WDR37: variants seen among roughly 807,000 people sequenced by gnomAD.
WDR37 encodes WD repeat-containing protein 37.
In WDR37, 19 loss-of-function variants were observed where a neutral mutation model predicts 62.9. The ratio of observed to expected loss-of-function variants is 0.30; its 90% CI spans 0.21 to 0.44. The LOEUF is 0.44. Ranked by LOEUF, WDR37 falls within the 20% of genes least tolerant of loss-of-function variation. The probability of loss-of-function intolerance (pLI) is 1.00; values close to 1 mark genes in which losing one functional copy is unlikely to be tolerated. For synonymous variants in WDR37, 250 were observed against 260.9 expected (o/e 0.96, Z 0.40); for missense variants, 474 against 657.6 (o/e 0.72, Z 3.05).
At chr10:1,122,788 G>A (rs1225917216) in intron 11 of WDR37, among the ~76,000 whole-genome samples, 1 of 152,192 alleles carries the variant, frequency 6.6e-6, no homozygotes, top group African/African-American at 2.4e-5. Flanking sequence ...AATCACCCCA[G>A]CCACTGCCAG....
Position 1,131,124 on chromosome 10 carries a change from T to G in WDR37, c.*1780T>G, listed in dbSNP as rs1025573052. On this transcript the variant is annotated 3_prime_UTR_variant, in exon 14 of 14. Transcript: ENST00000263150. ...GAATCTCAGGTTTCAGCTCCTGCTG[T>G]CCTGAGCGAACTTGCCTGATGCAGG... 2.6e-5 allele frequency: 4 copies of G among 152,280 alleles called. No homozygotes were observed. Among genetic ancestry groups the G allele is most frequent in the African/African-American group, 9.6e-5 (4 of 41,458 alleles). 9.4% of individuals were successfully genotyped at this position (152,280 alleles called of 1,614,324 possible).
At chr10:1,129,171 C>G in intron 13 of WDR37, 42 bp from the exon 14 acceptor site, 4 of 1,601,442 alleles carry the variant, frequency 2.5e-6, no homozygotes, top group Non-Finnish European at 3.4e-6. Context: ...ATCTTACTTT[C>G]GGGAATAATG....
intron 11 of WDR37, among the ~76,000 whole-genome samples, chr10:1,107,513 C>T (rs1201835436): frequency 5.9e-5 from 9 of 152,246 alleles, no homozygotes; most frequent in Admixed American, 2.0e-4. Flanking sequence ...CACCTAGGTT[C>T]GCCTGTTGTA....
chr10:1,090,124 G>A (rs1834339118), intron 7 of WDR37, among the ~76,000 whole-genome samples: 2 of 152,066 alleles, frequency 1.3e-5, no homozygotes. Context: ...CCGCCACCAC[G>A]CCTGGCTAAA....
chr10:1,127,830 C>G (rs1315433280), intron 13 of WDR37, among the ~76,000 whole-genome samples: 1 of 152,212 alleles, frequency 6.6e-6, no homozygotes, highest in Non-Finnish European at 1.5e-5. Context: ...GGGGCGTCTT[C>G]CGGGTGCATC....
At chr10:1,107,007 G>C (rs1052011140) in intron 11 of WDR37, among the ~76,000 whole-genome samples, 1 of 152,154 alleles carries the variant, frequency 6.6e-6, no homozygotes, top group Non-Finnish European at 1.5e-5. Context: ...TGCCAGCTCC[G>C]TCAGCGATAG....
chr10:1,064,001 G>A (rs1390572372), intron 1 of WDR37, among the ~76,000 whole-genome samples: 3 of 152,204 alleles, frequency 2.0e-5, no homozygotes, highest in Admixed American at 6.5e-5. Flanking sequence ...AGATGACACA[G>A]AGTTTAGAAT....
intron 11 of WDR37, among the ~76,000 whole-genome samples, chr10:1,115,201 C>G (rs1178163926): frequency 1.3e-5 from 2 of 152,198 alleles, no homozygotes; most frequent in Non-Finnish European, 2.9e-5. Flanking sequence ...AGGAGATCAT[C>G]TCAACATGGA....
chr10:1,119,901 C>T (rs1386024170), intron 11 of WDR37, among the ~76,000 whole-genome samples: 4 of 152,122 alleles, frequency 2.6e-5, no homozygotes, highest in Non-Finnish European at 5.9e-5. Flanking sequence ...GTAGCATGGC[C>T]CCATGAGACT....
intron 9 of WDR37, among the ~76,000 whole-genome samples, chr10:1,097,171 T>G (rs922745676): frequency 2.0e-5 from 3 of 151,988 alleles, no homozygotes; most frequent in African/African-American, 7.3e-5. Flanking sequence ...GACGAGAACT[T>G]GTAAGATTTG....
At chr10:1,101,921 C>T (rs1440843518) in intron 9 of WDR37, among the ~76,000 whole-genome samples, 2 of 152,234 alleles carry the variant, frequency 1.3e-5, no homozygotes, top group African/African-American at 4.8e-5. Context: ...TACCACCTTA[C>T]TCTGTGTCTC....
chr10:1,123,064 A>C (rs982337921), intron 11 of WDR37, among the ~76,000 whole-genome samples: 4 of 152,096 alleles, frequency 2.6e-5, no homozygotes, highest in African/African-American at 9.7e-5. Flanking sequence ...TTTCATCTTT[A>C]GGGCGTGGGT....
chr10:1,086,538 A>G (rs879183718), intron 7 of WDR37, among the ~76,000 whole-genome samples, 181 bp downstream of exon 7: 1 of 152,276 alleles, frequency 6.6e-6, no homozygotes, highest in South Asian at 2.1e-4. Flanking sequence ...TATGGGCTCA[A>G]TAACAGGGAA....
intron 7 of WDR37, among the ~76,000 whole-genome samples, chr10:1,087,688 A>T (rs1871625): frequency 0.27 from 41,391 of 152,072 alleles, 6,524 homozygotes; most frequent in African/African-American, 0.42. Flanking sequence ...TTGTTGTTCC[A>T]TTTATGGAGG....
At chr10:1,062,216 T>C (rs1833393586) in intron 1 of WDR37, among the ~76,000 whole-genome samples, 1 of 152,190 alleles carries the variant, frequency 6.6e-6, no homozygotes, top group Non-Finnish European at 1.5e-5. Context: ...TTGGTTGTAG[T>C]TGATCAGCAG....
chr10:1,122,637 T>G (rs1835623356), intron 11 of WDR37, among the ~76,000 whole-genome samples: 1 of 152,262 alleles, frequency 6.6e-6, no homozygotes, highest in Admixed American at 6.5e-5. Context: ...AAAGTAAGGT[T>G]TTTATCACAT....
intron 2 of WDR37, chr10:1,074,417 A>C: frequency 7.7e-7 from 1 of 1,303,674 alleles, no homozygotes; most frequent in Non-Finnish European, 1.0e-6. Context: ...CCTCTGCTCC[A>C]CCTTTGGCCT....
intron 2 of WDR37, chr10:1,074,522 G>A (rs558231851): frequency 3.8e-5 from 50 of 1,304,084 alleles, no homozygotes; most frequent in Middle Eastern, 2.2e-4. Flanking sequence ...AGTGGCCCCC[G>A]TGAGGTGCTC....
Position 1,087,646 on chromosome 10 carries a change from A to G in WDR37, c.604+1289A>G, listed in dbSNP as rs549407006. 1.1e-4 allele frequency among the ~76,000 whole-genome samples: 16 copies of G among 152,314 alleles called. 1 individual carries two copies. The South Asian group carries it at 2.3e-3, about 22-fold the overall frequency. The stretch of plus-strand genomic sequence containing the variant: ...GTAGGCTTAAAATACTCAGTCAACA[A>G]TGCTGTCATCAGATGTACTGTCATC... On this transcript the variant is annotated intron_variant, in intron 7 of 13. Coordinates refer to ENST00000263150, the MANE Select transcript of WDR37 (RefSeq NM_014023.4).
Sources: gnomAD v4.1 joint callset for allele counts (sites outside exome capture counted in the v4.1 genomes callset) on GRCh38, gnomAD v4.1.1 for gene constraint, MANE v1.5 for transcripts, NCBI Gene and HGNC (gene_info 2026-07-23, HGNC 2026-07-21) for gene names.